Variants in LPP observed in about 807,000 individuals in gnomAD.
LPP encodes LIM domain containing preferred translocation partner in lipoma, also known as lipoma-preferred partner.
Under a neutral mutation model 60.4 loss-of-function variants are expected in LPP, and 38 were observed. The ratio of observed to expected loss-of-function variants is 0.63; its 90% CI spans 0.49 to 0.83. LPP has a LOEUF of 0.83. Among genes scored for constraint, LPP ranks in the 40% least tolerant of loss-of-function variants. The pLI is 0.00. For missense variants in LPP, 902 were observed against 783.6 expected, an observed-to-expected ratio of 1.15 and a Z score of -1.80; for synonymous variants, 328 against 290.8, an observed-to-expected ratio of 1.13 and a Z score of -1.30.
chr3:188,785,464 TATATTCCATCATATATATATATTCATC>T (rs1287691359), intron 9 of LPP, among the ~76,000 whole-genome samples: 2 of 45,742 alleles, frequency 4.4e-5, no homozygotes, highest in African/African-American at 2.1e-4. Context: ...ATCATATATA[TATATTCCATCATATATATATATTCATC>T]ATATATATAT....
intron 7 of LPP, among the ~76,000 whole-genome samples, chr3:188,645,579 A>G (rs1362407799): frequency 6.6e-6 from 1 of 152,196 alleles, no homozygotes; most frequent in East Asian, 1.9e-4. Flanking sequence ...ACAAATGCGC[A>G]GTAATACCTA....
chr3:188,174,238 C>A (rs1452035843), intron 1 of LPP, among the ~76,000 whole-genome samples: 1 of 152,192 alleles, frequency 6.6e-6, no homozygotes, highest in Non-Finnish European at 1.5e-5. Flanking sequence ...ATCTGATAAG[C>A]AGGATATACT....
intron 6 of LPP, among the ~76,000 whole-genome samples, chr3:188,598,192 G>A (rs1181199775): frequency 6.6e-6 from 1 of 152,128 alleles, no homozygotes; most frequent in African/African-American, 2.4e-5. Flanking sequence ...AGGAGGCTAA[G>A]AAGATAAACA....
In LPP at chr3:188,589,948, T is replaced by C. The variant is rs1461996097; in HGVS notation, c.430-19213T>C. 2.0e-5 allele frequency among the ~76,000 whole-genome samples: 3 copies of C among 152,332 alleles called. No homozygotes were observed. The South Asian group carries it at 6.2e-4, about 32-fold the overall frequency. On this transcript the variant is annotated intron_variant, in intron 6 of 11. Coordinates refer to ENST00000617246, the MANE Select transcript of LPP (RefSeq NM_001375462.1). ...TTTTTGTTTTCCCCTTTTGCTCTGT[T>C]TTTGTAGTTCAGTTTGTTGCAGCAT...
rs192846944 is a variant in LPP, at chr3:188,188,017, G to C, written c.-190+33765G>C. On this transcript the variant is annotated intron_variant, in intron 1 of 11. Coordinates refer to ENST00000617246, the MANE Select transcript of LPP (RefSeq NM_001375462.1). The stretch of plus-strand genomic sequence containing the variant: ...GTGGATGTACTATTTTTAAAATTTA[G>C]CCATTTACATATTGTTGAATGGGAG... 1.9e-3 allele frequency among the ~76,000 whole-genome samples: 290 copies of C among 152,120 alleles called. 1 individual carries two copies. The highest frequency in any genetic ancestry group is 3.2e-3 in the Non-Finnish European group (218 of 68,006).
chr3:188,806,429 T>C (rs988178725), intron 9 of LPP, among the ~76,000 whole-genome samples: 2 of 151,882 alleles, frequency 1.3e-5, no homozygotes, highest in East Asian at 3.8e-4. Context: ...CTTTTGTTTT[T>C]AGTCTATCAA....
At chr3:188,700,137 C>T (rs1216297194) in intron 7 of LPP, among the ~76,000 whole-genome samples, 4 of 152,036 alleles carry the variant, frequency 2.6e-5, no homozygotes, top group African/African-American at 9.7e-5. Context: ...GAAAAATGAG[C>T]AGCTCTGGTA....
intron 8 of LPP, among the ~76,000 whole-genome samples, chr3:188,753,979 A>G (rs1729212820): frequency 6.6e-6 from 1 of 152,244 alleles, no homozygotes; most frequent in African/African-American, 2.4e-5. Context: ...TTGTATTCAC[A>G]GAGCTAAATG....
chr3:188,642,303 C>T (rs1030131653), intron 7 of LPP, among the ~76,000 whole-genome samples: 1 of 152,176 alleles, frequency 6.6e-6, no homozygotes, highest in African/African-American at 2.4e-5. Context: ...TTAATTTTCT[C>T]ATGTGGCTCA....
rs114112520 is a variant in LPP at position 188,206,938 on chromosome 3, C to T, written c.-189-18467C>T. 3.7e-3 allele frequency among the ~76,000 whole-genome samples: 562 copies of T among 152,242 alleles called. 4 individuals carry two copies. The highest frequency in any genetic ancestry group is 0.013 in the African/African-American group (533 of 41,538). On this transcript the variant is annotated intron_variant, in intron 1 of 11. Transcript: ENST00000617246. ...TAATACCTAGCACAGAGTAAACACTCATTAAATTTTCATTGTTATCGTTGT... is the reference window on the plus strand; with the variant it reads ...TAATACCTAGCACAGAGTAAACACTTATTAAATTTTCATTGTTATCGTTGT...
At chr3:188,555,128 G>C (rs1829161793) in intron 6 of LPP, among the ~76,000 whole-genome samples, 1 of 152,116 alleles carries the variant, frequency 6.6e-6, no homozygotes, top group Non-Finnish European at 1.5e-5. Context: ...GTTATAGACA[G>C]AGGGAAGCAC....
intron 1 of LPP, among the ~76,000 whole-genome samples, chr3:188,220,548 C>A (rs1191324892): frequency 6.6e-6 from 1 of 152,206 alleles, no homozygotes; most frequent in African/African-American, 2.4e-5. Flanking sequence ...TCAGGCCTGG[C>A]TGAGAACTCT....
chr3:188,324,076 T>TA (rs1300176274), intron 2 of LPP, among the ~76,000 whole-genome samples: 1 of 152,190 alleles, frequency 6.6e-6, no homozygotes, highest in African/African-American at 2.4e-5. Context: ...ATAATTTCCC[T>TA]AGCCTTATTT....
At chr3:188,235,795 G>A (rs2149399775) in intron 2 of LPP, among the ~76,000 whole-genome samples, 1 of 152,176 alleles carries the variant, frequency 6.6e-6, no homozygotes, top group South Asian at 2.1e-4. Context: ...ATCCCCTATT[G>A]TCAATGATTG....
chr3:188,797,269 G>A (rs192835666), intron 9 of LPP, among the ~76,000 whole-genome samples: 3 of 152,174 alleles, frequency 2.0e-5, no homozygotes, highest in East Asian at 1.9e-4. Flanking sequence ...TTTTTGTCAC[G>A]GATTTGCTAG....
chr3:188,599,864 G>A (rs1270155342), intron 6 of LPP, among the ~76,000 whole-genome samples: 3 of 149,070 alleles, frequency 2.0e-5, no homozygotes, highest in East Asian at 4.1e-4. Flanking sequence ...TTTTGAACTC[G>A]GTGGCACCAA....
At chr3:188,204,636 T>G (rs1732640977) in intron 1 of LPP, among the ~76,000 whole-genome samples, 1 of 152,168 alleles carries the variant, frequency 6.6e-6, no homozygotes. Flanking sequence ...GTAGGATTGT[T>G]TTCGTTCCTG....
chr3:188,308,975 T>C (rs1020102500), intron 2 of LPP, among the ~76,000 whole-genome samples: 2 of 151,660 alleles, frequency 1.3e-5, no homozygotes, highest in South Asian at 4.2e-4. Flanking sequence ...TCCTTTCTCC[T>C]TCTCCTCCTC....
At chr3:188,392,611 A>G (rs1169718461) in intron 3 of LPP, among the ~76,000 whole-genome samples, 1 of 152,220 alleles carries the variant, frequency 6.6e-6, no homozygotes, top group East Asian at 1.9e-4. Context: ...AGTACAACTC[A>G]CAGGTCAGTT....
Sources: allele counts gnomAD v4.1 joint callset (sites outside exome capture counted in the v4.1 genomes callset), GRCh38; gene constraint gnomAD v4.1.1; transcripts MANE v1.5; gene names NCBI Gene and HGNC (gene_info 2026-07-23, HGNC 2026-07-21).